Variants in BMPR2 observed in about 807,000 individuals in gnomAD.
BMPR2 encodes bone morphogenetic protein receptor type-2.
Under a neutral mutation model 100.8 loss-of-function variants are expected in BMPR2, and 29 were observed. The ratio of observed to expected loss-of-function variants is 0.29; its 90% CI spans 0.21 to 0.39. The LOEUF (loss-of-function observed/expected upper bound fraction) is 0.39, where lower values mean the gene tolerates loss of function less well. BMPR2 is among the 10% of genes least tolerant of loss of function. BMPR2 has a pLI of 1.00. For synonymous variants in BMPR2, 382 were observed against 442.3 expected, an observed-to-expected ratio of 0.86 and a Z score of 1.71; for missense variants, 1,011 against 1,274.5, an observed-to-expected ratio of 0.79 and a Z score of 3.15.
chr2:202,557,070 C>T (rs1688588610), intron 12 of BMPR2, among the ~76,000 whole-genome samples: 1 of 151,960 alleles, frequency 6.6e-6, no homozygotes, highest in Non-Finnish European at 1.5e-5. Flanking sequence ...GTGGCTCATG[C>T]CTATAATTCC....
chr2:202,377,299 G>A lies in BMPR2; in HGVS notation c.-176G>A. The A allele has an allele frequency of 1.5e-6, 1 of 684,350 alleles. No individual in the cohort carries two copies. Among genetic ancestry groups the A allele is most frequent in the Non-Finnish European group, 2.7e-6 (1 of 375,332 alleles). The allele number at this position is 684,350 out of a possible 1,614,324, so 42.4% of individuals were successfully genotyped here. On this transcript the variant is annotated 5_prime_UTR_variant, in exon 1 of 13. Coordinates refer to ENST00000374580, the MANE Select transcript of BMPR2 (RefSeq NM_001204.7). ...GAGAGAAATGAAGGGAATTTCTGCA[G>A]CGGCATGAAAGCTCTGCAGCTAGGT... is the stretch of plus-strand genomic sequence containing the variant.
intron 3 of BMPR2, among the ~76,000 whole-genome samples, chr2:202,505,842 A>G (rs181424741): frequency 1.2e-3 from 184 of 152,338 alleles, no homozygotes; most frequent in Non-Finnish European, 2.2e-3. Flanking sequence ...TCAATAATAG[A>G]CTACTTATTT....
At chr2:202,421,989 A>T (rs1201243010) in intron 1 of BMPR2, among the ~76,000 whole-genome samples, 1 of 151,734 alleles carries the variant, frequency 6.6e-6, no homozygotes, top group Non-Finnish European at 1.5e-5. Flanking sequence ...GCTCAGTGCA[A>T]CCTCCGCCTG....
At chr2:202,453,014 T>C (rs1262899258) in intron 1 of BMPR2, among the ~76,000 whole-genome samples, 1 of 152,120 alleles carries the variant, frequency 6.6e-6, no homozygotes, top group East Asian at 1.9e-4. Flanking sequence ...AAAAAGAGAA[T>C]GGTACTTTAT....
At chr2:202,531,985 G>C (rs1341082556) in intron 8 of BMPR2, among the ~76,000 whole-genome samples, 1 of 122,092 alleles carries the variant, frequency 8.2e-6, no homozygotes, top group Non-Finnish European at 1.6e-5. Context: ...TGTCACCCAG[G>C]CTGGAGTGCA....
At chr2:202,426,630 C>G (rs1314243714) in intron 1 of BMPR2, among the ~76,000 whole-genome samples, 1 of 150,804 alleles carries the variant, frequency 6.6e-6, no homozygotes, top group Non-Finnish European at 1.5e-5. Context: ...GTCTGTAACT[C>G]CAGCACTTTG....
chr2:202,407,766 C>CAA (rs200740540), intron 1 of BMPR2, among the ~76,000 whole-genome samples: 2 of 145,874 alleles, frequency 1.4e-5, no homozygotes, highest in Admixed American at 6.8e-5. Context: ...AAAACAAAAA[C>CAA]AAAAAAAAAA....
rs1688565262 is a variant in BMPR2 at position 202,556,065 on chromosome 2, TGTG to T, written c.2404_2406del (p.Val802del). The T allele has an allele frequency of 1.2e-6, 2 of 1,614,084 alleles. No individual in the cohort carries two copies. The highest frequency in any genetic ancestry group is 1.1e-5 in the South Asian group (1 of 91,084). On this transcript the variant is annotated inframe_deletion, in exon 12 of 13. Transcript: ENST00000374580. ...ATACAATCAATGCAGCAGAACCTCA[TGTG>T]GTGACAGTCACCATGAATGGTGTGG...
In BMPR2 at chr2:202,507,072, TAA is replaced by T. The variant is rs74622497; in HGVS notation, c.419-6628_419-6627del. Among the ~76,000 whole-genome samples, 477 of 121,508 alleles carry T rather than the reference TAA, an allele frequency of 3.9e-3. 2 individuals carry two copies. Among genetic ancestry groups the T allele is most frequent in the African/African-American group, 0.011 (359 of 32,756 alleles). 79.7% of individuals were successfully genotyped at this position (121,508 alleles called of 152,430 possible). ...TGTGCAAGAGAGTGAGACTCTGCCT[TAA>T]AAAAAAAAAAAAAAAAAAGGAATTC... is the stretch of plus-strand genomic sequence containing the variant. On this transcript the variant is annotated intron_variant, in intron 3 of 12. Transcript: ENST00000374580.
At chr2:202,402,689 C>CA (rs1357096270) in intron 1 of BMPR2, among the ~76,000 whole-genome samples, 1 of 149,452 alleles carries the variant, frequency 6.7e-6, no homozygotes, top group African/African-American at 2.5e-5. Flanking sequence ...TTTTTTGAGA[C>CA]AGAGTCTTGC....
chr2:202,387,406 T>C (rs2105899966), intron 1 of BMPR2, among the ~76,000 whole-genome samples: 1 of 152,300 alleles, frequency 6.6e-6, no homozygotes, highest in African/African-American at 2.4e-5. Flanking sequence ...TGCAGATGAG[T>C]AAACTGAGTA....
Position 202,485,968 on chromosome 2 carries a change from C to T in BMPR2, c.418+18279C>T, listed in dbSNP as rs114322863. On this transcript the variant is annotated intron_variant, in intron 3 of 12. Coordinates refer to ENST00000374580, the MANE Select transcript of BMPR2 (RefSeq NM_001204.7). ...GCCTAGGGTGAGGGCAAGGGCAGTTCTCTAAAGAACTGCCATTGGCCTTTA... is the reference window on the plus strand; with the variant it reads ...GCCTAGGGTGAGGGCAAGGGCAGTTTTCTAAAGAACTGCCATTGGCCTTTA... Among the ~76,000 whole-genome samples the T allele has an allele frequency of 3.0e-3, 451 of 152,120 alleles. 2 individuals are homozygous for T. The highest frequency in any genetic ancestry group is 0.011 in the African/African-American group (437 of 41,508).
chr2:202,401,469 G>T (rs1690767676), intron 1 of BMPR2, among the ~76,000 whole-genome samples: 1 of 152,188 alleles, frequency 6.6e-6, no homozygotes, highest in Non-Finnish European at 1.5e-5. Flanking sequence ...TTTTGCTAAT[G>T]AATTTTGGAG....
intron 9 of BMPR2, among the ~76,000 whole-genome samples, chr2:202,535,493 C>G (rs1192303311): frequency 6.6e-6 from 1 of 150,944 alleles, no homozygotes; most frequent in East Asian, 2.0e-4. Flanking sequence ...GATGGGCGGC[C>G]GGGCAGAGAC....
chr2:202,514,808 A>G, intron 4 of BMPR2, 80 bp from the exon 5 acceptor site: 1 of 1,117,998 alleles, frequency 8.9e-7, no homozygotes, highest in East Asian at 2.5e-5. Flanking sequence ...CTTCTTTTTA[A>G]GTGTAATATT....
intron 5 of BMPR2, among the ~76,000 whole-genome samples, chr2:202,515,558 C>T (rs368388866): frequency 5.8e-5 from 8 of 138,332 alleles, no homozygotes; most frequent in South Asian, 2.3e-4. Flanking sequence ...GCAACAAGAG[C>T]GAAACTCTGC....
At chr2:202,435,343 G>A (rs967014448) in intron 1 of BMPR2, among the ~76,000 whole-genome samples, 12 of 137,278 alleles carry the variant, frequency 8.7e-5, no homozygotes, top group African/African-American at 2.7e-4. Context: ...CAGCCTGGGC[G>A]ACAGAGCCAG....
rs1688682761 is a variant in BMPR2 at position 202,561,828 on chromosome 2, A to C, written c.*1882A>C. ...GCTGTGATCTTACAAGTTAGATGTT[A>C]CTATACCTACCATTTATTCAGCTGG... On this transcript the variant is annotated 3_prime_UTR_variant, in exon 13 of 13. Transcript: ENST00000374580. 6.6e-6 allele frequency: 1 copy of C among 152,124 alleles called. No homozygotes were observed. The highest frequency in any genetic ancestry group is 1.5e-5 in the Non-Finnish European group (1 of 67,980). The allele number at this position is 152,124 out of a possible 1,614,324, so 9.4% of individuals were successfully genotyped here.
chr2:202,497,427 C>T (rs1471736188), intron 3 of BMPR2, among the ~76,000 whole-genome samples: 1 of 152,150 alleles, frequency 6.6e-6, no homozygotes, highest in Non-Finnish European at 1.5e-5. Context: ...GTGACTAGCG[C>T]AGCTGCCAGA....
Sources: allele counts gnomAD v4.1 joint callset (sites outside exome capture counted in the v4.1 genomes callset), GRCh38; gene constraint gnomAD v4.1.1; transcripts MANE v1.5; gene names NCBI Gene and HGNC (gene_info 2026-07-23, HGNC 2026-07-21).